The following SYNE2 variants were observed in gnomAD, a reference collection of about 807,000 sequenced individuals.
SYNE2 encodes nesprin-2.
A neutral mutation model predicts 856.3 loss-of-function variants in SYNE2; 431 were observed. The ratio of observed to expected loss-of-function variants is 0.50; its 90% CI spans 0.47 to 0.55. The LOEUF (loss-of-function observed/expected upper bound fraction) is 0.55. SYNE2 is among the 20% of genes least tolerant of loss of function. SYNE2 has a pLI of 0.00. For missense variants in SYNE2, 8,129 were observed against 8,023.2 expected, an observed-to-expected ratio of 1.01 and a Z score of -0.50; for synonymous variants, 2,923 against 2,872.3, an observed-to-expected ratio of 1.02 and a Z score of -0.56.
intron 57 of SYNE2, among the ~76,000 whole-genome samples, chr14:64,085,409 A>AG (rs2097553725): frequency 1.3e-5 from 2 of 152,194 alleles, no homozygotes; most frequent in Admixed American, 6.5e-5. Context: ...GAATACCAGG[A>AG]GGTAGGGGTC....
At chr14:64,036,942 ATC>A (rs2097095164) in intron 45 of SYNE2, among the ~76,000 whole-genome samples, 1 of 152,126 alleles carries the variant, frequency 6.6e-6, no homozygotes. Context: ...AGCAATGAGA[ATC>A]TAATTACAGG....
At chr14:63,839,854 A>G (rs1889989030) in intron 1 of SYNE2, among the ~76,000 whole-genome samples, 1 of 152,226 alleles carries the variant, frequency 6.6e-6, no homozygotes, top group Non-Finnish European at 1.5e-5. Context: ...AGATAATTTT[A>G]TCTTCTGAAA....
At chr14:63,993,706 G>C in intron 21 of SYNE2, 129 bp from the exon 22 acceptor site, 1 of 784,680 alleles carries the variant, frequency 1.3e-6, no homozygotes, top group Non-Finnish European at 2.0e-6. Flanking sequence ...TAAATCTTCA[G>C]ATATTCTTCA....
chr14:64,024,315 A>G lies in SYNE2; in HGVS notation c.5696A>G (p.Lys1899Arg), dbSNP rs886050582. 1.2e-6 allele frequency: 2 copies of G among 1,614,154 alleles called. No homozygotes were observed. Among genetic ancestry groups the G allele is most frequent in the Non-Finnish European group, 1.7e-6 (2 of 1,179,998 alleles). ...SKIKQVDSVL[K>R]HVKKHLPKAH... ...ATAAAGCAGGTGGACAGCGTACTGA[A>G]GCATGTGAAGAAGCATCTGCCCAAA... is the stretch of plus-strand genomic sequence containing the variant. Residue 1899 changes from lysine (K) to arginine (R), a missense_variant, in exon 39 of 116, where the codon AAG becomes AGG. This residue lies in a region of SYNE2 where 2,422 missense variants were observed against 2,357.4 expected (regional missense o/e 1.03). Coordinates refer to ENST00000555002, the MANE Select transcript of SYNE2 (RefSeq NM_182914.3).
At chr14:63,788,533 C>T (rs1025767295) in intron 1 of SYNE2, among the ~76,000 whole-genome samples, 1 of 152,032 alleles carries the variant, frequency 6.6e-6, no homozygotes, top group African/African-American at 2.4e-5. Flanking sequence ...GTGGCTACAG[C>T]CTGTCCAGGA....
chr14:63,876,974 C>T (rs2094739181), intron 1 of SYNE2, among the ~76,000 whole-genome samples: 1 of 152,202 alleles, frequency 6.6e-6, no homozygotes, highest in African/African-American at 2.4e-5. Flanking sequence ...CACTCAGAGC[C>T]AGAAATAGAC....
At chr14:64,093,906 C>T (rs1246884540) in intron 61 of SYNE2, among the ~76,000 whole-genome samples, 2 of 152,194 alleles carry the variant, frequency 1.3e-5, no homozygotes, top group Non-Finnish European at 2.9e-5. Flanking sequence ...GACAACCTGA[C>T]TTTCTGGGAT....
At chr14:63,777,768 A>G (rs1887163254) in intron 1 of SYNE2, among the ~76,000 whole-genome samples, 1 of 152,086 alleles carries the variant, frequency 6.6e-6, no homozygotes, top group Non-Finnish European at 1.5e-5. Context: ...TCCTGGGCCT[A>G]AGGGATCCTC....
At chr14:64,186,085 ATGTG>A (rs367745304) in intron 96 of SYNE2, among the ~76,000 whole-genome samples, 1 of 151,762 alleles carries the variant, frequency 6.6e-6, no homozygotes, top group Non-Finnish European at 1.5e-5. Flanking sequence ...GTATGTGTGC[ATGTG>A]TGTGTGTGTG....
intron 3 of SYNE2, 50 bp downstream of exon 3, chr14:63,940,725 C>A: frequency 6.5e-7 from 1 of 1,547,658 alleles, no homozygotes; most frequent in Non-Finnish European, 8.9e-7. Context: ...ATTACTCCCC[C>A]TACTCCTTCT....
intron 1 of SYNE2, among the ~76,000 whole-genome samples, chr14:63,792,435 A>G (rs1411351196): frequency 3.9e-5 from 6 of 152,008 alleles, no homozygotes; most frequent in African/African-American, 1.4e-4. Context: ...TGCACCTGCA[A>G]TCCCAGCTAC....
At chr14:64,217,540 G>C (rs868267188) in intron 108 of SYNE2, among the ~76,000 whole-genome samples, 1 of 152,336 alleles carries the variant, frequency 6.6e-6, no homozygotes, top group South Asian at 2.1e-4. Flanking sequence ...ACTTCCTCTT[G>C]CTTAACAAGC....
intron 44 of SYNE2, 64 bp from the exon 45 acceptor site, chr14:64,030,952 A>C: frequency 1.6e-6 from 2 of 1,247,556 alleles, no homozygotes; most frequent in Non-Finnish European, 2.4e-6. Flanking sequence ...TCTGTGATTT[A>C]CAAAAGTCAA....
chr14:64,147,932 T>C lies in SYNE2; in HGVS notation c.15639+1709T>C, dbSNP rs552094344. On this transcript the variant is annotated intron_variant, in intron 84 of 115. Transcript: ENST00000555002. ...CGTTCAAGTAGGGGTGGAAATTATA[T>C]CTACGGTAGTTTAGCCAATCCATGG... is the stretch of plus-strand genomic sequence containing the variant. Among the ~76,000 whole-genome samples the C allele has an allele frequency of 9.8e-5, 15 of 152,320 alleles. No homozygotes were observed. In the East Asian group the frequency reaches 2.9e-3, roughly 29 times the overall value.
intron 11 of SYNE2, among the ~76,000 whole-genome samples, chr14:63,971,550 T>G (rs912425176): frequency 6.6e-6 from 1 of 152,100 alleles, no homozygotes; most frequent in Non-Finnish European, 1.5e-5. Context: ...ATGTAATGTA[T>G]GTCTTAAAAT....
intron 1 of SYNE2, among the ~76,000 whole-genome samples, chr14:63,766,925 A>G (rs1886707230): frequency 6.6e-6 from 1 of 152,156 alleles, no homozygotes; most frequent in South Asian, 2.1e-4. Context: ...CAGAGGAAAC[A>G]AGATGCAATG....
At chr14:63,800,837 G>A (rs1350914373) in intron 1 of SYNE2, among the ~76,000 whole-genome samples, 1 of 152,118 alleles carries the variant, frequency 6.6e-6, no homozygotes, top group African/African-American at 2.4e-5. Flanking sequence ...AGGGAGAGGA[G>A]CAGAAAAGAT....
At chr14:63,848,570 G>T (rs1322415921), upstream of SYNE2, among the ~76,000 whole-genome samples, 1 of 152,144 alleles carries the variant, frequency 6.6e-6, no homozygotes, top group Non-Finnish European at 1.5e-5. Flanking sequence ...TTCTTTAAAT[G>T]ATGCATTTAT....
At chr14:64,223,845 C>G (rs889082636) in intron 113 of SYNE2, among the ~76,000 whole-genome samples, 1 of 152,146 alleles carries the variant, frequency 6.6e-6, no homozygotes, top group African/African-American at 2.4e-5. Flanking sequence ...GCAGCCAAAA[C>G]TAGACTCTCT....
Sources: gnomAD v4.1 joint callset for allele counts (sites outside exome capture counted in the v4.1 genomes callset) on GRCh38, gnomAD v4.1.1 for gene constraint, gnomAD v4.1.1 regional missense constraint, MANE v1.5 for transcripts, NCBI Gene and HGNC (gene_info 2026-07-23, HGNC 2026-07-21) for gene names.